The following MEIS1 variants were observed in gnomAD, a reference collection of about 807,000 sequenced individuals.
The protein encoded by MEIS1 is Meis homeobox 1, also known as homeobox protein Meis1.
MEIS1 carries 5 observed loss-of-function variants against 50.8 expected under a neutral mutation model. The observed-to-expected ratio is 0.10, with a 90% confidence interval of 0.05 to 0.21. The LOEUF is 0.21. MEIS1 is among the 10% of genes least tolerant of loss of function. MEIS1 has a pLI of 1.00. For synonymous variants in MEIS1, 176 were observed against 179.3 expected (o/e 0.98, Z 0.15); for missense variants, 318 against 517.3 (o/e 0.61, Z 3.74).
chr2:66,560,413 T>G (rs140102786), intron 9 of MEIS1, among the ~76,000 whole-genome samples: 1 of 151,462 alleles, frequency 6.6e-6, no homozygotes, highest in African/African-American at 2.4e-5. Context: ...TAGTGAAACC[T>G]TGTCTCTACA....
chr2:66,548,000 A>G lies in MEIS1; in HGVS notation c.946A>G (p.Ile316Val). The change falls in exon 9 of 13, where the codon ATC (isoleucine) becomes GTC (valine). Residue 316 changes from isoleucine (I) to valine (V), a missense_variant. This residue lies in a region of MEIS1 where 40 missense variants were observed against 102.8 expected (regional missense o/e 0.39). Transcript: ENST00000272369. ...GTTGGCACAAGACACGGGACTCACC[A>G]TCCTTCAAGTGAACAATTGGTAAGT... ...KQLAQDTGLT[I>V]LQVNNWFINA... The G allele has an allele frequency of 6.2e-7, 1 of 1,613,014 alleles. No individual in the cohort carries two copies. Among genetic ancestry groups the G allele is most frequent in the Non-Finnish European group, 8.5e-7 (1 of 1,179,258 alleles).
In MEIS1 at chr2:66,571,491, A is replaced by G. The variant is rs766517863; in HGVS notation, c.*283A>G. The G allele has an allele frequency of 2.5e-6, 4 of 1,585,248 alleles. No homozygotes were observed. The highest frequency in any genetic ancestry group is 2.6e-6 in the Non-Finnish European group (3 of 1,166,160). On this transcript the variant is annotated 3_prime_UTR_variant, in exon 13 of 13. Transcript: ENST00000272369. ...CACAGTTCTTAATACAGGAGACCCAACAATGAGTGGACAAGTCATGGACAT... is the reference window on the plus strand; with the variant it reads ...CACAGTTCTTAATACAGGAGACCCAGCAATGAGTGGACAAGTCATGGACAT...
chr2:66,571,278 C>T lies in MEIS1; in HGVS notation c.*70C>T, dbSNP rs771410145. The T allele has an allele frequency of 3.1e-5, 49 of 1,594,846 alleles. No individual in the cohort carries two copies. The highest frequency in any genetic ancestry group is 3.3e-4 in the Middle Eastern group (2 of 6,072). ...AAGTATGCCAGGGGAGTATGTAGCCCGGGGTGGTCCAATGGGTGTGAGTAT... is the reference window on the plus strand; with the variant it reads ...AAGTATGCCAGGGGAGTATGTAGCCTGGGGTGGTCCAATGGGTGTGAGTAT... On this transcript the variant is annotated 3_prime_UTR_variant, in exon 13 of 13. Coordinates refer to ENST00000272369, the MANE Select transcript of MEIS1 (RefSeq NM_002398.3).
chr2:66,473,754 C>T (rs577071959), intron 7 of MEIS1, among the ~76,000 whole-genome samples: 76 of 152,022 alleles, frequency 5.0e-4, no homozygotes, highest in African/African-American at 1.8e-3. Context: ...TCTATATAGC[C>T]CAGGTTAACA....
In MEIS1 at chr2:66,435,598, C is replaced by A; in HGVS notation, c.-259C>A. ...AACTGATTTTTGGGGGAGAGAAGATCTGCTTTTTTTTGCCCCCGCTGCTGT... is the reference window on the plus strand; with the variant it reads ...AACTGATTTTTGGGGGAGAGAAGATATGCTTTTTTTTGCCCCCGCTGCTGT... On this transcript the variant is annotated 5_prime_UTR_variant, in exon 1 of 13. The change creates a new upstream start codon in the 5' untranslated region. Transcript: ENST00000272369. 3 of 372,110 alleles carry A rather than the reference C, an allele frequency of 8.1e-6. No homozygotes were observed. The highest frequency in any genetic ancestry group is 4.7e-6 in the Non-Finnish European group (1 of 210,532). The allele number at this position is 372,110 out of a possible 1,614,324, so 23.1% of individuals were successfully genotyped here. A position where few individuals can be genotyped will look rare whatever the true frequency, so the allele number is the denominator to read the frequency against.
chr2:66,536,909 CTT>C (rs1299689025), intron 8 of MEIS1, among the ~76,000 whole-genome samples: 5 of 152,118 alleles, frequency 3.3e-5, no homozygotes, highest in Non-Finnish European at 4.4e-5. Flanking sequence ...ATTGTGAAGA[CTT>C]TTTAAATTTT....
chr2:66,502,819 A>G (rs543491491), intron 7 of MEIS1, among the ~76,000 whole-genome samples: 2 of 152,324 alleles, frequency 1.3e-5, no homozygotes, highest in African/African-American at 4.8e-5. Flanking sequence ...GCACAGGAAT[A>G]TGAGAAGAAA....
At chr2:66,511,883 G>A (rs925201548) in intron 7 of MEIS1, among the ~76,000 whole-genome samples, 1 of 152,140 alleles carries the variant, frequency 6.6e-6, no homozygotes, top group Non-Finnish European at 1.5e-5. Context: ...TAGCAACAAA[G>A]CCACAAGGGG....
intron 6 of MEIS1, among the ~76,000 whole-genome samples, chr2:66,463,770 T>C (rs1672574060): frequency 6.6e-6 from 1 of 152,224 alleles, no homozygotes; most frequent in South Asian, 2.1e-4. Flanking sequence ...AGCAGACTGT[T>C]GTGCCAGAGG....
At chr2:66,540,107 A>G (rs1310694443) in intron 8 of MEIS1, among the ~76,000 whole-genome samples, 3 of 152,148 alleles carry the variant, frequency 2.0e-5, no homozygotes. Flanking sequence ...GCCAACCCTC[A>G]GCTTCTTCAT....
At chr2:66,470,111 A>T (rs1672732168) in intron 7 of MEIS1, among the ~76,000 whole-genome samples, 1 of 152,170 alleles carries the variant, frequency 6.6e-6, no homozygotes, top group South Asian at 2.1e-4. Flanking sequence ...TTAAGCCTGT[A>T]CCTCTCCAGG....
chr2:66,515,645 G>A (rs951179562), intron 8 of MEIS1, among the ~76,000 whole-genome samples: 1 of 152,124 alleles, frequency 6.6e-6, no homozygotes, highest in African/African-American at 2.4e-5. Context: ...TGATTATGGG[G>A]TAAGAAGAAA....
chr2:66,554,561 G>A (rs558281682), intron 9 of MEIS1, among the ~76,000 whole-genome samples: 17 of 152,234 alleles, frequency 1.1e-4, no homozygotes, highest in South Asian at 4.2e-4. Context: ...GGGACAGGTC[G>A]CTGCAATCAA....
intron 8 of MEIS1, among the ~76,000 whole-genome samples, chr2:66,539,179 G>A (rs2103911760): frequency 6.6e-6 from 1 of 152,238 alleles, no homozygotes; most frequent in East Asian, 1.9e-4. Context: ...GGGCCACCGT[G>A]CCTGGCCAAA....
intron 7 of MEIS1, among the ~76,000 whole-genome samples, chr2:66,485,003 A>G (rs901844166): frequency 1.3e-5 from 2 of 152,058 alleles, no homozygotes; most frequent in African/African-American, 2.4e-5. Context: ...TTTGGGGGGA[A>G]GTTTTATGTA....
At chr2:66,505,447 G>A (rs559351564) in intron 7 of MEIS1, among the ~76,000 whole-genome samples, 8 of 152,172 alleles carry the variant, frequency 5.3e-5, no homozygotes, top group Non-Finnish European at 8.8e-5. Flanking sequence ...GCTGTATTAT[G>A]TCTTCAGGGA....
At chr2:66,439,559 GTT>G in intron 2 of MEIS1, 1 of 1,523,624 alleles carries the variant, frequency 6.6e-7, no homozygotes, top group Non-Finnish European at 8.8e-7. Flanking sequence ...AAACGCTTGG[GTT>G]TTATTCGTAG....
At chr2:66,557,037 T>C (rs1169647381) in intron 9 of MEIS1, among the ~76,000 whole-genome samples, 1 of 152,200 alleles carries the variant, frequency 6.6e-6, no homozygotes, top group East Asian at 1.9e-4. Context: ...AGTCATGCTA[T>C]TTCTTTTGAA....
chr2:66,453,720 A>G (rs1672327038), intron 6 of MEIS1, among the ~76,000 whole-genome samples: 2 of 151,984 alleles, frequency 1.3e-5, no homozygotes, highest in African/African-American at 4.8e-5. Context: ...ATACCCTATT[A>G]ATAATTATTA....
Sources: gnomAD v4.1 joint callset for allele counts (sites outside exome capture counted in the v4.1 genomes callset) on GRCh38, gnomAD v4.1.1 for gene constraint, gnomAD v4.1.1 regional missense constraint, MANE v1.5 for transcripts, NCBI Gene and HGNC (gene_info 2026-07-23, HGNC 2026-07-21) for gene names.